The following GAPVD1 variants were observed in gnomAD, a reference collection of about 807,000 sequenced individuals.
GAPVD1 encodes the protein GTPase-activating protein and VPS9 domain-containing protein 1.
In GAPVD1, 35 loss-of-function variants were observed where a neutral mutation model predicts 155.5. The observed-to-expected ratio is 0.23, with a 90% CI of 0.17 to 0.30. GAPVD1 has a LOEUF of 0.30. Among genes scored for constraint, GAPVD1 ranks in the 10% least tolerant of loss-of-function variants. The pLI, the probability that GAPVD1 is intolerant of heterozygous loss-of-function variation, is 1.00. For synonymous variants in GAPVD1, 636 were observed against 619.7 expected, an observed-to-expected ratio of 1.03 and a Z score of -0.39; for missense variants, 1,429 against 1,775.7, an observed-to-expected ratio of 0.80 and a Z score of 3.51.
chr9:125,288,544 C>CT (rs1838092516), intron 2 of GAPVD1, among the ~76,000 whole-genome samples: 1 of 152,064 alleles, frequency 6.6e-6, no homozygotes, highest in Non-Finnish European at 1.5e-5. Context: ...GAAATACCTC[C>CT]TTTTCATTTT....
chr9:125,278,708 G>A (rs1321942625), intron 2 of GAPVD1, among the ~76,000 whole-genome samples: 1 of 151,732 alleles, frequency 6.6e-6, no homozygotes, highest in East Asian at 1.9e-4. Context: ...GGTAGTACAT[G>A]CTTGTAGTCC....
chr9:125,279,233 A>G (rs927731888), intron 2 of GAPVD1, among the ~76,000 whole-genome samples: 2 of 151,588 alleles, frequency 1.3e-5, no homozygotes, highest in African/African-American at 4.8e-5. Context: ...AAAGACAGTC[A>G]TGTACTCTTT....
intron 3 of GAPVD1, among the ~76,000 whole-genome samples, chr9:125,296,808 T>C (rs1021719881): frequency 1.3e-4 from 20 of 151,954 alleles, no homozygotes; most frequent in Admixed American, 3.9e-4. Flanking sequence ...TGCAGCCACC[T>C]GCCACCACGC....
At chr9:125,319,642 C>T (rs566972465) in intron 9 of GAPVD1, among the ~76,000 whole-genome samples, 4 of 149,004 alleles carry the variant, frequency 2.7e-5, no homozygotes, top group African/African-American at 9.9e-5. Context: ...TGCTCTGTCA[C>T]CCAGGCTGGA....
intron 11 of GAPVD1, among the ~76,000 whole-genome samples, chr9:125,325,217 T>G (rs565924995): frequency 1.7e-4 from 25 of 148,534 alleles, no homozygotes; most frequent in Non-Finnish European, 4.5e-5. Flanking sequence ...AGAGTGAGAC[T>G]CTGATTGAAA....
At chr9:125,349,615 A>G (rs1849025264) in intron 21 of GAPVD1, 96 bp downstream of exon 21, 10 of 1,040,868 alleles carry the variant, frequency 9.6e-6, no homozygotes, top group Non-Finnish European at 1.4e-5. Context: ...CAATAAATGT[A>G]TAAAGCAGGG....
At chr9:125,318,954 T>C (rs1347381542) in intron 9 of GAPVD1, among the ~76,000 whole-genome samples, 1 of 151,966 alleles carries the variant, frequency 6.6e-6, no homozygotes, top group African/African-American at 2.4e-5. Context: ...AGCAGGCAGA[T>C]CACTTGAGGT....
chr9:125,273,387 A>C (rs1835214386), intron 2 of GAPVD1, among the ~76,000 whole-genome samples: 1 of 151,982 alleles, frequency 6.6e-6, no homozygotes, highest in East Asian at 1.9e-4. Context: ...GGCACTTAAA[A>C]ATTTTCTCAT....
In GAPVD1 at chr9:125,299,089, T is replaced by A; in HGVS notation, c.168T>A (p.Asp56Glu). The change falls in exon 4 of 28, where the codon GAT becomes GAA. Residue 56 changes from aspartate to glutamate, a missense_variant. Coordinates refer to ENST00000297933, the MANE Select transcript of GAPVD1 (RefSeq NM_001282680.3). ...WIAKQQRINL[D>E]RLIITSAEAS... ...CGAAGCAACAGAGAATCAATTTGGA[T>A]CGGCTTATCATAACCAGGTAAAGAG... The A allele has an allele frequency of 6.3e-7, 1 of 1,598,558 alleles. No homozygotes were observed. The highest frequency in any genetic ancestry group is 8.5e-7 in the Non-Finnish European group (1 of 1,172,682).
At position 125,326,873 on chromosome 9, in the gene GAPVD1, C is replaced by A. The variant is rs1023723891; in HGVS notation, c.2032+284C>A. On this transcript the variant is annotated intron_variant, in intron 12 of 27. Transcript: ENST00000297933. ...AAAAACCAGTGTTTTGAATTAGCTTCTGGTCAAGTGTTGTTTGCAGGGCAT... is the reference window on the plus strand; with the variant it reads ...AAAAACCAGTGTTTTGAATTAGCTTATGGTCAAGTGTTGTTTGCAGGGCAT... Among the ~76,000 whole-genome samples the A allele has an allele frequency of 3.3e-5, 5 of 151,844 alleles. No homozygotes were observed. In the South Asian group the frequency reaches 8.3e-4, roughly 25 times the overall value.
chr9:125,362,764 C>G lies in GAPVD1; in HGVS notation c.*18C>G. 1.9e-6 allele frequency: 3 copies of G among 1,609,954 alleles called. No individual in the cohort carries two copies. Among genetic ancestry groups the G allele is most frequent in the Admixed American group, 1.7e-5 (1 of 59,512 alleles). On this transcript the variant is annotated 3_prime_UTR_variant, in exon 28 of 28. Transcript: ENST00000297933. ...GAAAGTGACCAAGACCAAGGCCCAC[C>G]AAGGCAGCAGACTGTTAATCAGACA...
intron 5 of GAPVD1, chr9:125,304,033 T>G (rs562102552): frequency 6.6e-6 from 1 of 152,102 alleles, no homozygotes; most frequent in Non-Finnish European, 1.5e-5. Flanking sequence ...GCACAAAATT[T>G]TTGACATGAA....
intron 3 of GAPVD1, among the ~76,000 whole-genome samples, chr9:125,297,180 T>C (rs1441402651): frequency 2.0e-5 from 3 of 152,220 alleles, no homozygotes; most frequent in African/African-American, 7.2e-5. Context: ...TGAGATTTCA[T>C]TTATTCCTTT....
intron 21 of GAPVD1, 97 bp from the exon 22 acceptor site, chr9:125,350,191 GAAACATT>G: frequency 1.4e-6 from 1 of 691,828 alleles, no homozygotes; most frequent in Admixed American, 3.3e-5. Flanking sequence ...TAAAATGTTT[GAAACATT>G]TGAGTCCTAA....
At chr9:125,335,532 CTGGGTGTGG>C (rs1286679364) in intron 15 of GAPVD1, among the ~76,000 whole-genome samples, 1 of 152,002 alleles carries the variant, frequency 6.6e-6, no homozygotes, top group African/African-American at 2.4e-5. Context: ...AAAAAATTAG[CTGGGTGTGG>C]TGGCGTGTGC....
chr9:125,293,903 T>TA (rs1839391707), intron 2 of GAPVD1, among the ~76,000 whole-genome samples: 2 of 111,964 alleles, frequency 1.8e-5, no homozygotes, highest in Non-Finnish European at 3.6e-5. Flanking sequence ...TATATATATA[T>TA]AAGTTTTTGT....
intron 15 of GAPVD1, among the ~76,000 whole-genome samples, chr9:125,336,304 A>C (rs1197550090): frequency 1.4e-5 from 2 of 143,168 alleles, no homozygotes; most frequent in East Asian, 4.2e-4. Context: ...AAAAAAAAAA[A>C]ACAAAAAACA....
intron 21 of GAPVD1, 42 bp from the exon 22 acceptor site, chr9:125,350,253 A>G: frequency 8.8e-7 from 1 of 1,131,936 alleles, no homozygotes; most frequent in South Asian, 1.3e-5. Flanking sequence ...ATGTGACCAT[A>G]TCTGGATAAA....
At chr9:125,341,410 A>G (rs1475718086) in intron 18 of GAPVD1, 146 bp downstream of exon 18, 4 of 575,876 alleles carry the variant, frequency 6.9e-6, no homozygotes, top group Non-Finnish European at 1.2e-5. Context: ...AAGTGGTTCC[A>G]CTCAGATGAA....
Sources: gnomAD v4.1 joint callset for allele counts (sites outside exome capture counted in the v4.1 genomes callset) on GRCh38, gnomAD v4.1.1 for gene constraint, MANE v1.5 for transcripts, NCBI Gene and HGNC (gene_info 2026-07-23, HGNC 2026-07-21) for gene names.